Variants in KDM4B observed in about 807,000 individuals in gnomAD.
KDM4B encodes lysine demethylase 4B, also known as lysine-specific demethylase 4B.
Under a neutral mutation model 125.2 loss-of-function variants are expected in KDM4B, and 32 were observed. The ratio of observed to expected loss-of-function variants is 0.26; its 90% confidence interval spans 0.19 to 0.34. The LOEUF (loss-of-function observed/expected upper bound fraction) is 0.34. Among genes scored for constraint, KDM4B ranks in the 10% least tolerant of loss-of-function variants. The pLI is 1.00. For missense variants in KDM4B, 1,190 were observed against 1,577.7 expected, an observed-to-expected ratio of 0.75 and a Z score of 4.16; for synonymous variants, 721 against 677.9, an observed-to-expected ratio of 1.06 and a Z score of -0.99.
intron 9 of KDM4B, among the ~76,000 whole-genome samples, chr19:5,095,835 C>T (rs1293587880): frequency 1.3e-5 from 2 of 152,224 alleles, no homozygotes; most frequent in African/African-American, 4.8e-5. Context: ...TGAGTGTGTG[C>T]AGCACTTATG....
At chr19:4,998,045 G>A (rs1291999155) in intron 1 of KDM4B, among the ~76,000 whole-genome samples, 1 of 152,258 alleles carries the variant, frequency 6.6e-6, no homozygotes, top group East Asian at 1.9e-4. Flanking sequence ...AACATGGACT[G>A]GTCCTCTTGT....
intron 6 of KDM4B, among the ~76,000 whole-genome samples, chr19:5,050,446 G>C (rs568770211): frequency 6.6e-6 from 1 of 151,906 alleles, no homozygotes; most frequent in Non-Finnish European, 1.5e-5. Context: ...CACCCAGGCC[G>C]GGGGGGCCGG....
chr19:5,014,672 G>C (rs1267413366), intron 1 of KDM4B, among the ~76,000 whole-genome samples: 2 of 152,198 alleles, frequency 1.3e-5, no homozygotes, highest in Non-Finnish European at 2.9e-5. Flanking sequence ...TCCTCCCAAA[G>C]TGCTGGCATT....
intron 21 of KDM4B, among the ~76,000 whole-genome samples, chr19:5,146,440 A>G (rs1403435330): frequency 6.6e-6 from 1 of 152,178 alleles, no homozygotes; most frequent in Non-Finnish European, 1.5e-5. Context: ...GCTACCACCA[A>G]TCTCCAGACA....
intron 17 of KDM4B, 129 bp from the exon 18 acceptor site, chr19:5,137,833 A>G: frequency 1.9e-6 from 2 of 1,034,840 alleles, no homozygotes; most frequent in Non-Finnish European, 1.4e-6. Context: ...GGAGGAGCAT[A>G]CGCCTGCACC....
At chr19:5,138,998 C>T (rs942664706) in intron 18 of KDM4B, among the ~76,000 whole-genome samples, 8 of 152,196 alleles carry the variant, frequency 5.3e-5, no homozygotes, top group African/African-American at 1.9e-4. Flanking sequence ...TCACAGCTCT[C>T]TGCAGCCTCA....
chr19:5,068,648 T>A (rs1225945492), intron 6 of KDM4B, among the ~76,000 whole-genome samples: 1 of 152,222 alleles, frequency 6.6e-6, no homozygotes, highest in Non-Finnish European at 1.5e-5. Context: ...GTCGCTGGGT[T>A]GTTCCGAGTG....
Position 5,144,132 on chromosome 19 carries a change from C to G in KDM4B, c.2716C>G (p.His906Asp). 6.3e-7 allele frequency: 1 copy of G among 1,597,374 alleles called. No individual in the cohort carries two copies. Among genetic ancestry groups the G allele is most frequent in the Non-Finnish European group, 8.6e-7 (1 of 1,167,480 alleles). Residue 906 changes from histidine to aspartate, a missense_variant, in exon 19 of 23, where the codon CAC becomes GAC. Coordinates refer to ENST00000159111, the MANE Select transcript of KDM4B (RefSeq NM_015015.3). Reference protein sequence around the residue: ...PYVVSITCLKHKSGGHAVQLL... With the variant: ...PYVVSITCLKDKSGGHAVQLL... Reference sequence around the variant, plus strand: ...TGTGGTCTCCATCACCTGCCTCAAGCACAAGTCGGGGGGTCACGCTGTGAG... The same window carrying G: ...TGTGGTCTCCATCACCTGCCTCAAGGACAAGTCGGGGGGTCACGCTGTGAG...
chr19:4,986,571 T>C (rs1283239333), intron 1 of KDM4B, among the ~76,000 whole-genome samples: 4 of 152,244 alleles, frequency 2.6e-5, no homozygotes, highest in African/African-American at 9.6e-5. Context: ...CCATGTTTAC[T>C]GTGCCAGGCC....
chr19:5,106,600 G>A (rs949130809), intron 9 of KDM4B, among the ~76,000 whole-genome samples: 3 of 152,216 alleles, frequency 2.0e-5, no homozygotes, highest in South Asian at 2.1e-4. Flanking sequence ...TTTGGGCAGC[G>A]CGTGTCTCCT....
chr19:5,008,906 CTT>C (rs200928850), intron 1 of KDM4B, among the ~76,000 whole-genome samples: 52 of 104,444 alleles, frequency 5.0e-4, no homozygotes, highest in Admixed American at 9.1e-4. Flanking sequence ...TGGCCCCTGC[CTT>C]TTTTTTTTTT....
At chr19:5,050,374 G>A (rs527414234) in intron 6 of KDM4B, among the ~76,000 whole-genome samples, 14 of 152,348 alleles carry the variant, frequency 9.2e-5, no homozygotes, top group African/African-American at 3.4e-4. Flanking sequence ...TTGGCAATGC[G>A]GATTGAAACC....
intron 18 of KDM4B, among the ~76,000 whole-genome samples, chr19:5,140,033 T>C (rs2146088595): frequency 6.6e-6 from 1 of 152,330 alleles, no homozygotes; most frequent in Admixed American, 6.5e-5. Context: ...CGGCCGTCCC[T>C]TCTGTGCTGT....
rs145932136 is a variant in KDM4B, at chr19:5,126,975, T to TGGGCCTC, written c.1316-4094_1316-4088dup. On this transcript the variant is annotated intron_variant, in intron 11 of 22. Coordinates refer to ENST00000159111, the MANE Select transcript of KDM4B (RefSeq NM_015015.3). ...TTCTTGCCCCCTCCACAGGGCAGCC[T>TGGGCCTC]GGGCCTCGGGCCTGTCTTGGGGTTT... Among the ~76,000 whole-genome samples, 34 of 152,342 alleles carry TGGGCCTC rather than the reference T, an allele frequency of 2.2e-4. 1 individual carries two copies. The East Asian group carries it at 4.1e-3, about 18-fold the overall frequency.
Position 5,043,911 on chromosome 19 carries a change from A to C in KDM4B, c.432+2660A>C, listed in dbSNP as rs531634222. Among the ~76,000 whole-genome samples, 3 of 128,912 alleles carry C rather than the reference A, an allele frequency of 2.3e-5. No individual in the cohort carries two copies. The East Asian group carries it at 7.2e-4, about 31-fold the overall frequency. The allele number at this position is 128,912 out of a possible 152,430, so 84.6% of individuals were successfully genotyped here. A position where few individuals can be genotyped will look rare whatever the true frequency, so the allele number is the denominator to read the frequency against. On this transcript the variant is annotated intron_variant, in intron 5 of 22. Coordinates refer to ENST00000159111, the MANE Select transcript of KDM4B (RefSeq NM_015015.3). Reference sequence around the variant, plus strand: ...TTATCGGAGTGGGGGTGTCCACCTTATCCCGCGTGGTGTTTATCGGAGTGG... The same window carrying C: ...TTATCGGAGTGGGGGTGTCCACCTTCTCCCGCGTGGTGTTTATCGGAGTGG...
chr19:5,039,710 C>G lies in KDM4B; in HGVS notation c.142-126C>G, dbSNP rs1048109936. 4.6e-6 allele frequency: 5 copies of G among 1,087,454 alleles called. No homozygotes were observed. The African/African-American group carries it at 7.9e-5, about 17-fold the overall frequency. 67.4% of individuals were successfully genotyped at this position (1,087,454 alleles called of 1,614,324 possible). A position where few individuals can be genotyped will look rare whatever the true frequency, so the allele number is the denominator to read the frequency against. ...GCAAATGGGGGGGTTCCTCGTGCCCCTGGGGGGTGTCCCGAGGTGCAGATC... is the reference window on the plus strand; with the variant it reads ...GCAAATGGGGGGGTTCCTCGTGCCCGTGGGGGGTGTCCCGAGGTGCAGATC... On this transcript the variant is annotated intron_variant, in intron 3 of 22. Transcript: ENST00000159111.
intron 11 of KDM4B, among the ~76,000 whole-genome samples, chr19:5,128,050 GCT>G (rs1158749562): frequency 2.6e-5 from 4 of 152,110 alleles, no homozygotes; most frequent in African/African-American, 7.2e-5. Context: ...GGACAGCCCA[GCT>G]CTGTGTCCCT....
intron 9 of KDM4B, among the ~76,000 whole-genome samples, chr19:5,092,582 C>T (rs917142271): frequency 1.3e-5 from 2 of 152,182 alleles, no homozygotes; most frequent in Non-Finnish European, 2.9e-5. Context: ...GCTCGGCAGC[C>T]CCCAGTCTTC....
chr19:5,031,386 C>T (rs147394835), intron 2 of KDM4B, among the ~76,000 whole-genome samples: 48 of 152,382 alleles, frequency 3.1e-4, no homozygotes, highest in Admixed American at 2.0e-3. Context: ...CTAGGCTGCA[C>T]GTGGTCACGT....
Sources: allele counts gnomAD v4.1 joint callset (sites outside exome capture counted in the v4.1 genomes callset), GRCh38; gene constraint gnomAD v4.1.1; transcripts MANE v1.5; gene names NCBI Gene and HGNC (gene_info 2026-07-23, HGNC 2026-07-21).